The following CACNG4 variants were observed in gnomAD, a reference collection of about 807,000 sequenced individuals.
CACNG4 encodes the protein calcium voltage-gated channel auxiliary subunit gamma 4.
In CACNG4, 8 loss-of-function variants were observed where a neutral mutation model predicts 22.9. The ratio of observed to expected loss-of-function variants is 0.35; its 90% confidence interval spans 0.21 to 0.63. The LOEUF is 0.63. CACNG4 is among the 30% of genes least tolerant of loss of function. The pLI is 0.72. For synonymous variants in CACNG4, 188 were observed against 191.9 expected, an observed-to-expected ratio of 0.98 and a Z score of 0.17; for missense variants, 357 against 455.4, an observed-to-expected ratio of 0.78 and a Z score of 1.97.
intron 1 of CACNG4, among the ~76,000 whole-genome samples, chr17:66,990,182 G>A (rs1268180320): frequency 2.0e-5 from 3 of 152,180 alleles, no homozygotes; most frequent in African/African-American, 7.2e-5. Context: ...CTCACTGGTT[G>A]TTGGCAGAAT....
At position 67,003,666 on chromosome 17, in the gene CACNG4, G is replaced by A. The variant is rs536838366; in HGVS notation, c.221-14523G>A. On this transcript the variant is annotated intron_variant, in intron 1 of 3. Transcript: ENST00000262138. ...GGTCACGTGTTGCCAGTAGCACTTC[G>A]CCCTGCAACCCCAAGTTGTGACAAT... 1.6e-3 allele frequency among the ~76,000 whole-genome samples: 245 copies of A among 152,216 alleles called. 1 individual carries two copies. Among genetic ancestry groups the A allele is most frequent in the Non-Finnish European group, 2.6e-3 (175 of 68,018 alleles).
rs1372323081 is a variant in CACNG4 at position 67,011,590 on chromosome 17, GA to G, written c.221-6597del. Among the ~76,000 whole-genome samples, 26 of 152,292 alleles carry G rather than the reference GA, an allele frequency of 1.7e-4. No homozygotes were observed. In the East Asian group the frequency reaches 5.0e-3, roughly 29 times the overall value. On this transcript the variant is annotated intron_variant, in intron 1 of 3. Coordinates refer to ENST00000262138, the MANE Select transcript of CACNG4 (RefSeq NM_014405.4). The stretch of plus-strand genomic sequence containing the variant: ...CTCAGACTGGCAGCCCCAGCACTTA[GA>G]ACATTGCTATGGGCTCTGTAAAATG...
intron 1 of CACNG4, among the ~76,000 whole-genome samples, chr17:67,008,381 G>A (rs1467275852): frequency 6.6e-6 from 1 of 152,162 alleles, no homozygotes; most frequent in African/African-American, 2.4e-5. Flanking sequence ...AGTTATTAGG[G>A]GGTTTCTTTG....
intron 1 of CACNG4, among the ~76,000 whole-genome samples, chr17:67,003,967 A>G (rs1024440172): frequency 3.3e-5 from 5 of 152,190 alleles, no homozygotes; most frequent in African/African-American, 1.2e-4. Flanking sequence ...ATTATCTACT[A>G]TGATGCTCCC....
At chr17:66,968,164 C>T (rs1011265920) in intron 1 of CACNG4, among the ~76,000 whole-genome samples, 2 of 152,172 alleles carry the variant, frequency 1.3e-5, no homozygotes, top group Non-Finnish European at 2.9e-5. Flanking sequence ...AGGAGGCAGC[C>T]GGGCCAGATT....
chr17:67,011,715 G>A (rs116196259), intron 1 of CACNG4, among the ~76,000 whole-genome samples: 17 of 152,272 alleles, frequency 1.1e-4, no homozygotes, highest in African/African-American at 1.4e-4. Context: ...ATGAGCAAAC[G>A]GTGAAAGTCT....
chr17:67,028,416 G>C (rs1053313183), intron 3 of CACNG4, among the ~76,000 whole-genome samples: 5 of 152,186 alleles, frequency 3.3e-5, no homozygotes, highest in African/African-American at 1.2e-4. Context: ...AGCTGGGCAT[G>C]GTGGCGGGTG....
At position 67,032,044 on chromosome 17, in the gene CACNG4, A is replaced by G. The variant is rs911190165; in HGVS notation, c.*1040A>G. The G allele has an allele frequency of 4.5e-6, 2 of 447,032 alleles. No homozygotes were observed. The highest frequency in any genetic ancestry group is 4.0e-5 in the African/African-American group (2 of 49,490). The allele number at this position is 447,032 out of a possible 1,614,324, so 27.7% of individuals were successfully genotyped here. On this transcript the variant is annotated 3_prime_UTR_variant, in exon 4 of 4. Transcript: ENST00000262138. ...ACAAATCATAACTTCCTGCAAATCA[A>G]CGCCAGGAGAGCAACTTACCTTCAT...
At chr17:66,994,285 C>G (rs1376882268) in intron 1 of CACNG4, among the ~76,000 whole-genome samples, 1 of 150,958 alleles carries the variant, frequency 6.6e-6, no homozygotes, top group Non-Finnish European at 1.5e-5. Flanking sequence ...TATGATCAAG[C>G]CACTGCACTC....
intron 1 of CACNG4, among the ~76,000 whole-genome samples, chr17:66,966,661 G>T (rs2035172816): frequency 6.6e-6 from 1 of 152,060 alleles, no homozygotes; most frequent in Non-Finnish European, 1.5e-5. Flanking sequence ...GCCCACCTCT[G>T]TCTCCCACCC....
chr17:67,010,772 CT>C lies in CACNG4; in HGVS notation c.221-7415del, dbSNP rs375114913. On this transcript the variant is annotated intron_variant, in intron 1 of 3. Coordinates refer to ENST00000262138, the MANE Select transcript of CACNG4 (RefSeq NM_014405.4). ...CCCTCCAGTCTTTCTAGGCTGTTCC[CT>C]TCCTTCCTGTGGAAATGGGGTGGTG... Among the ~76,000 whole-genome samples the C allele has an allele frequency of 2.9e-4, 44 of 152,264 alleles. No homozygotes were observed. The South Asian group carries it at 8.9e-3, about 31-fold the overall frequency.
intron 2 of CACNG4, among the ~76,000 whole-genome samples, chr17:67,023,032 C>G (rs950338084): frequency 6.6e-6 from 1 of 152,164 alleles, no homozygotes; most frequent in South Asian, 2.1e-4. Flanking sequence ...GGGGACCCTG[C>G]TTTCTCTGAA....
In CACNG4 at chr17:66,970,416, C is replaced by T. The variant is rs140022171; in HGVS notation, c.220+5285C>T. Among the ~76,000 whole-genome samples the T allele has an allele frequency of 5.6e-4, 85 of 152,266 alleles. No individual in the cohort carries two copies. The East Asian group carries it at 9.3e-3, about 17-fold the overall frequency. ...GCTGGGAAGTCCAAGATTAAGGTGT[C>T]GCTGGACTCAGTTCCTGGTGAGGTC... On this transcript the variant is annotated intron_variant, in intron 1 of 3. Coordinates refer to ENST00000262138, the MANE Select transcript of CACNG4 (RefSeq NM_014405.4).
chr17:67,001,258 T>C (rs1396556908), intron 1 of CACNG4, among the ~76,000 whole-genome samples: 1 of 152,094 alleles, frequency 6.6e-6, no homozygotes, highest in African/African-American at 2.4e-5. Context: ...CTCTTTTTCT[T>C]TATAAATTAC....
At chr17:66,965,160 CCACACACA>C in intron 1 of CACNG4, 29 bp downstream of exon 1, 9 of 844,334 alleles carry the variant, frequency 1.1e-5, no homozygotes, top group Non-Finnish European at 1.2e-5. Flanking sequence ...CCTCGCCGCC[CCACACACA>C]CACACACACA....
intron 1 of CACNG4, among the ~76,000 whole-genome samples, chr17:66,985,196 C>T (rs985882290): frequency 6.6e-6 from 1 of 152,180 alleles, no homozygotes; most frequent in African/African-American, 2.4e-5. Flanking sequence ...TTTTCTTAGT[C>T]TCTATTCAAA....
At chr17:66,995,715 T>TG (rs2035369868) in intron 1 of CACNG4, among the ~76,000 whole-genome samples, 1 of 152,090 alleles carries the variant, frequency 6.6e-6, no homozygotes, top group African/African-American at 2.4e-5. Flanking sequence ...CTGGGTGTGA[T>TG]GGTGGGCACC....
At chr17:66,985,653 T>C (rs890368991) in intron 1 of CACNG4, among the ~76,000 whole-genome samples, 2 of 152,240 alleles carry the variant, frequency 1.3e-5, no homozygotes, top group African/African-American at 4.8e-5. Context: ...TGCAGTCTCC[T>C]ATTCATTCTT....
At chr17:66,978,370 T>C (rs988514224) in intron 1 of CACNG4, among the ~76,000 whole-genome samples, 1 of 152,130 alleles carries the variant, frequency 6.6e-6, no homozygotes, top group African/African-American at 2.4e-5. Flanking sequence ...ACCCAAAAAA[T>C]ACGTGGTACA....
Sources: allele counts gnomAD v4.1 joint callset (sites outside exome capture counted in the v4.1 genomes callset), GRCh38; gene constraint gnomAD v4.1.1; transcripts MANE v1.5; gene names NCBI Gene and HGNC (gene_info 2026-07-23, HGNC 2026-07-21).